Variants in PUDP observed in about 807,000 individuals in gnomAD.
PUDP encodes pseudouridine-5'-phosphatase.
Under a neutral mutation model 9.4 loss-of-function variants are expected in PUDP, and 8 were observed. The ratio of observed to expected loss-of-function variants is 0.85; its 90% CI spans 0.50 to 1.53. The LOEUF (loss-of-function observed/expected upper bound fraction) is 1.53. PUDP is among the 40% of genes most tolerant of loss of function. The pLI is 0.00. For synonymous variants in PUDP, 99 were observed against 80.7 expected (o/e 1.23, Z -1.22); for missense variants, 188 against 189.7 (o/e 0.99, Z 0.05).
At chrX:7,065,568 C>T (rs1449992889) in intron 3 of PUDP, among the ~76,000 whole-genome samples, 1 of 112,272 alleles carries the variant, frequency 8.9e-6, no homozygotes, top group Admixed American at 9.5e-5. Context: ...CATAAATCCC[C>T]AAACATAACG....
At chrX:6,861,337 C>T (rs765493845) in intron 3 of PUDP, among the ~76,000 whole-genome samples, 2 of 111,459 alleles carry the variant, frequency 1.8e-5, no homozygotes, top group South Asian at 3.9e-4. Context: ...TGAAACACTG[C>T]AAGATGAGGA....
intron 2 of PUDP, among the ~76,000 whole-genome samples, chrX:7,082,557 G>A (rs1254197024): frequency 2.7e-5 from 3 of 112,183 alleles, no homozygotes; most frequent in Admixed American, 1.9e-4. Flanking sequence ...CCATGTCCTG[G>A]GCCTCAGTCT....
intron 3 of PUDP, among the ~76,000 whole-genome samples, chrX:6,826,197 T>A (rs949914524): frequency 1.1e-4 from 12 of 112,002 alleles, no homozygotes; most frequent in African/African-American, 3.9e-4. Flanking sequence ...CTTTAAGAAA[T>A]TTTCTAAGTA....
At chrX:6,925,337 C>G (rs1426167523) in intron 3 of PUDP, among the ~76,000 whole-genome samples, 2 of 111,789 alleles carry the variant, frequency 1.8e-5, no homozygotes, top group African/African-American at 3.3e-5. Flanking sequence ...CTTCCCTCTT[C>G]AAAGCCTGTT....
chrX:6,825,473 T>C (rs1261180305), intron 3 of PUDP, among the ~76,000 whole-genome samples: 2 of 111,473 alleles, frequency 1.8e-5, no homozygotes, highest in African/African-American at 6.5e-5. Context: ...GGAGGTCCCC[T>C]GGCAGATGGT....
chrX:6,735,238 G>A lies in PUDP; in HGVS notation c.*248-28772C>T, dbSNP rs756945472. ...TTTAACCAAGTTAAGATTGCATTCT[G>A]TTAAAGAGATAAAAATATGTTTCCA... is the stretch of plus-strand genomic sequence containing the variant. On this transcript the variant is annotated intron_variant and NMD_transcript_variant, in intron 3 of 3. Transcript: ENST00000655425. Among the ~76,000 whole-genome samples, 3 of 111,563 alleles carry A rather than the reference G, an allele frequency of 2.7e-5. No homozygotes were observed. The East Asian group carries it at 8.5e-4, about 32-fold the overall frequency.
intron 3 of PUDP, among the ~76,000 whole-genome samples, chrX:6,736,432 A>G (rs995829580): frequency 1.8e-5 from 2 of 112,235 alleles, no homozygotes; most frequent in Admixed American, 9.4e-5. Flanking sequence ...ATTTTGAGGT[A>G]ATGGAATTAT....
At chrX:6,765,353 C>A (rs1485161950) in intron 3 of PUDP, among the ~76,000 whole-genome samples, 2 of 111,649 alleles carry the variant, frequency 1.8e-5, no homozygotes, top group Non-Finnish European at 3.8e-5. Context: ...TAGAACTAAC[C>A]TTAACAAGAA....
chrX:7,077,429 G>A lies in PUDP; in HGVS notation c.301C>T (p.His101Tyr). ...LMPGAEKLII[H>Y]LRKHGIPFAL... The stretch of plus-strand genomic sequence containing the variant: ...AAGGGGATGCCATGTTTCCGCAGGT[G>A]GATGATGAGTTTCTCCGCCCCTGGG... Residue 101 changes from histidine (H) to tyrosine (Y), a missense_variant, in exon 3 of 4, where the codon CAC becomes TAC. Physicochemically the swap from His to Tyr is moderately conservative, Grantham distance 83. Coordinates refer to ENST00000381077, the MANE Select transcript of PUDP (RefSeq NM_012080.5). 1 of 1,210,545 alleles carries A rather than the reference G, an allele frequency of 8.3e-7. No homozygotes were observed. The highest frequency in any genetic ancestry group is 1.1e-6 in the Non-Finnish European group (1 of 894,586).
chrX:6,824,142 C>T (rs149819576), intron 3 of PUDP, among the ~76,000 whole-genome samples: 1,335 of 111,680 alleles, frequency 0.012, 10 homozygotes, highest in Non-Finnish European at 0.02. Flanking sequence ...GGGGCAGTCA[C>T]CACCCCTATG....
chrX:6,716,950 G>A (rs1323415236), intron 1 of PUDP, among the ~76,000 whole-genome samples: 1 of 110,606 alleles, frequency 9.0e-6, no homozygotes, highest in African/African-American at 3.3e-5. Flanking sequence ...TTAATTTTTT[G>A]TAGAGACAGG....
At position 7,070,972 on chromosome X, in the gene PUDP, C is replaced by G. The variant is rs1930713800; in HGVS notation, c.510+6248G>C. On this transcript the variant is annotated intron_variant, in intron 3 of 3. Coordinates refer to ENST00000381077, the MANE Select transcript of PUDP (RefSeq NM_012080.5). ...GAAGTTCCAGTTACAGAGGTCAGCTCACACTGACAGCCTGCCTGCTCCTGT... is the reference window on the plus strand; with the variant it reads ...GAAGTTCCAGTTACAGAGGTCAGCTGACACTGACAGCCTGCCTGCTCCTGT... Among the ~76,000 whole-genome samples the G allele has an allele frequency of 2.7e-5, 3 of 112,284 alleles. No homozygotes were observed. In the Admixed American group the frequency reaches 2.8e-4, roughly 11 times the overall value.
intron 2 of PUDP, among the ~76,000 whole-genome samples, chrX:7,090,027 C>T (rs1216145780): frequency 9.0e-6 from 1 of 111,730 alleles, no homozygotes; most frequent in Non-Finnish European, 1.9e-5. Context: ...AATTCATGCA[C>T]AGACCAGATA....
In PUDP at chrX:6,834,784, G is replaced by A. The variant is rs946778000; in HGVS notation, c.*248-128318C>T. The stretch of plus-strand genomic sequence containing the variant: ...GGGCCTTCTTGTTACATCATCCCAT[G>A]GTGAAAGGGCAAAGAGAGGGTGAGA... On this transcript the variant is annotated intron_variant and NMD_transcript_variant, in intron 3 of 3. Coordinates refer to the PUDP transcript ENST00000655425. 2.7e-5 allele frequency among the ~76,000 whole-genome samples: 3 copies of A among 111,054 alleles called. No individual in the cohort carries two copies. In the East Asian group the frequency reaches 8.5e-4, roughly 31 times the overall value.
Position 7,088,329 on chromosome X carries a change from C to T in PUDP, c.281-10880G>A, listed in dbSNP as rs759557805. On this transcript the variant is annotated intron_variant, in intron 2 of 3. Transcript: ENST00000381077. Reference sequence around the variant, plus strand: ...AAGCAATCTGCCTACCTTGGCCTCCCACAGTGCTGCAACTACAGGTGTACA... The same window carrying T: ...AAGCAATCTGCCTACCTTGGCCTCCTACAGTGCTGCAACTACAGGTGTACA... Among the ~76,000 whole-genome samples, 9 of 111,072 alleles carry T rather than the reference C, an allele frequency of 8.1e-5. No homozygotes were observed. The South Asian group carries it at 3.5e-3, about 43-fold the overall frequency.
chrX:6,892,683 G>A (rs1443767598), intron 3 of PUDP, among the ~76,000 whole-genome samples: 1 of 111,490 alleles, frequency 9.0e-6, no homozygotes, highest in Non-Finnish European at 1.9e-5. Flanking sequence ...CCTTCAGTGT[G>A]GCTGTATTTG....
chrX:6,807,460 G>A (rs878862948), intron 3 of PUDP, among the ~76,000 whole-genome samples: 3 of 112,185 alleles, frequency 2.7e-5, no homozygotes, highest in Non-Finnish European at 5.6e-5. Context: ...TTCCCCTCTC[G>A]TACCATTAAT....
Position 7,148,132 on chromosome X carries a change from T to C in PUDP, c.-19A>G. 9.1e-7 allele frequency: 1 copy of C among 1,094,253 alleles called. No homozygotes were observed. Among genetic ancestry groups the C allele is most frequent in the Non-Finnish European group, 1.2e-6 (1 of 824,940 alleles). The allele number at this position is 1,094,253 out of a possible 1,213,427, so 90.2% of individuals were successfully genotyped here. On this transcript the variant is annotated 5_prime_UTR_variant, in exon 1 of 4. Coordinates refer to ENST00000381077, the MANE Select transcript of PUDP (RefSeq NM_012080.5). ...CCGCCATGGTGGCGCCTTCTGGGTC[T>C]GGGTGGGGGCGAGGAGGAAGTGCGC...
chrX:6,834,964 G>C (rs895507311), intron 3 of PUDP, among the ~76,000 whole-genome samples: 4 of 111,117 alleles, frequency 3.6e-5, no homozygotes, highest in Non-Finnish European at 7.5e-5. Flanking sequence ...CATGCTTTTC[G>C]GGGGACGCAT....
Sources: gnomAD v4.1 joint callset for allele counts (sites outside exome capture counted in the v4.1 genomes callset) on GRCh38, gnomAD v4.1.1 for gene constraint, MANE v1.5 for transcripts, NCBI Gene and HGNC (gene_info 2026-07-23, HGNC 2026-07-21) for gene names.